Variants in ANXA4 observed in about 807,000 individuals in gnomAD.
The protein encoded by ANXA4 is annexin A4, also known as 35-beta calcimedin.
A neutral mutation model predicts 49.8 loss-of-function variants in ANXA4; 39 were observed. That is an observed-to-expected ratio of 0.78 (90% CI 0.61 to 1.02). The LOEUF (loss-of-function observed/expected upper bound fraction) is 1.02. Ranked by LOEUF, ANXA4 falls within the 50% of genes least tolerant of loss-of-function variation. ANXA4 has a pLI of 0.00. For synonymous variants in ANXA4, 134 were observed against 152.5 expected (o/e 0.88, Z 0.89); for missense variants, 360 against 410.1 (o/e 0.88, Z 1.05).
intron 2 of ANXA4, among the ~76,000 whole-genome samples, chr2:69,675,064 AGGTGCC>A (rs1175680189): frequency 6.6e-6 from 1 of 152,006 alleles, no homozygotes; most frequent in Non-Finnish European, 1.5e-5. Flanking sequence ...CTGAGACTAC[AGGTGCC>A]TGTCACCATG....
chr2:69,805,046 C>CAAA (rs60172949), intron 4 of ANXA4, among the ~76,000 whole-genome samples: 15,210 of 35,790 alleles, frequency 0.42, 4,883 homozygotes, highest in East Asian at 0.55. Flanking sequence ...GACTCCATCT[C>CAAA]AAAAAAAAAA....
intron 2 of ANXA4, among the ~76,000 whole-genome samples, chr2:69,657,639 C>T (rs891095875): frequency 3.3e-5 from 5 of 152,030 alleles, no homozygotes; most frequent in African/African-American, 1.2e-4. Context: ...TATTATAATT[C>T]TCTACAACAA....
chr2:69,731,950 G>C (rs1670109340), intron 3 of ANXA4, among the ~76,000 whole-genome samples: 1 of 149,944 alleles, frequency 6.7e-6, no homozygotes, highest in Non-Finnish European at 1.5e-5. Context: ...AAATGCTGAT[G>C]CTATTTCTTA....
chr2:69,693,120 G>A (rs1429435775), intron 2 of ANXA4, among the ~76,000 whole-genome samples: 1 of 152,144 alleles, frequency 6.6e-6, no homozygotes, highest in Admixed American at 6.5e-5. Flanking sequence ...TCTCCAAGAA[G>A]AGCATCTAAT....
At chr2:69,647,424 T>TTTATTTA (rs1559035043) in intron 1 of ANXA4, among the ~76,000 whole-genome samples, 1 of 104,168 alleles carries the variant, frequency 9.6e-6, no homozygotes, top group South Asian at 2.8e-4. Flanking sequence ...TTATTTATTT[T>TTTATTTA]TTGAGACAGA....
At chr2:69,645,910 A>C (rs1675993834) in intron 1 of ANXA4, among the ~76,000 whole-genome samples, 1 of 152,208 alleles carries the variant, frequency 6.6e-6, no homozygotes, top group Non-Finnish European at 1.5e-5. Flanking sequence ...AAGTAAAGCA[A>C]AGAGATTAGT....
intron 1 of ANXA4, among the ~76,000 whole-genome samples, chr2:69,756,180 G>A (rs1671031415): frequency 6.6e-6 from 1 of 152,204 alleles, no homozygotes; most frequent in Non-Finnish European, 1.5e-5. Context: ...TAGGGTTGGT[G>A]TAAGTTTGTA....
At chr2:69,670,784 G>T (rs903456012) in intron 2 of ANXA4, among the ~76,000 whole-genome samples, 3 of 152,060 alleles carry the variant, frequency 2.0e-5, no homozygotes, top group African/African-American at 7.2e-5. Context: ...AGCACTCTAG[G>T]AGGTTGAAAC....
intron 1 of ANXA4, among the ~76,000 whole-genome samples, chr2:69,650,133 A>G (rs540647316): frequency 2.6e-4 from 39 of 151,726 alleles, no homozygotes; most frequent in Non-Finnish European, 4.6e-4. Flanking sequence ...ACAGGGTTTC[A>G]CCATGTTGGC....
At position 69,825,608 on chromosome 2, in the gene ANXA4, C is replaced by T. The variant is rs1674440593; in HGVS notation, c.*93C>T. On this transcript the variant is annotated 3_prime_UTR_variant, in exon 13 of 13. Coordinates refer to ENST00000394295, the MANE Select transcript of ANXA4 (RefSeq NM_001153.5). The stretch of plus-strand genomic sequence containing the variant: ...CTGCTATTATCATTATCTCAGAATG[C>T]TTATTTCCAATTAAAACGCCTACAG... 1.0e-6 allele frequency: 1 copy of T among 964,686 alleles called. No homozygotes were observed. The highest frequency in any genetic ancestry group is 2.5e-5 in the Admixed American group (1 of 39,548). 59.8% of individuals were successfully genotyped at this position (964,686 alleles called of 1,614,324 possible). A position where few individuals can be genotyped will look rare whatever the true frequency, so the allele number is the denominator to read the frequency against.
chr2:69,756,912 T>C (rs1671057200), intron 1 of ANXA4, among the ~76,000 whole-genome samples: 1 of 146,076 alleles, frequency 6.8e-6, no homozygotes. Context: ...CTACTACTTA[T>C]TAAATTAATT....
intron 2 of ANXA4, among the ~76,000 whole-genome samples, chr2:69,678,011 T>C (rs1017170950): frequency 6.6e-6 from 1 of 152,094 alleles, no homozygotes; most frequent in Non-Finnish European, 1.5e-5. Context: ...ACACAACTTT[T>C]CCCCCTCCTC....
At chr2:69,807,012 A>T (rs775864095) in intron 5 of ANXA4, among the ~76,000 whole-genome samples, 2 of 152,222 alleles carry the variant, frequency 1.3e-5, no homozygotes, top group African/African-American at 2.4e-5. Flanking sequence ...AAATTTTTTT[A>T]AAAAAGAAAG....
chr2:69,810,708 T>G (rs528331090), intron 7 of ANXA4, 35 bp downstream of exon 7: 2 of 1,553,986 alleles, frequency 1.3e-6, no homozygotes, highest in Admixed American at 3.3e-5. Context: ...GCGGGTTTTA[T>G]CGAAATGTCC....
intron 2 of ANXA4, among the ~76,000 whole-genome samples, chr2:69,699,631 C>T (rs1678267106): frequency 6.6e-6 from 1 of 151,424 alleles, no homozygotes; most frequent in South Asian, 2.1e-4. Context: ...GACCCTGTCC[C>T]AAAAAACAAA....
chr2:69,701,896 C>T (rs1266933593), intron 2 of ANXA4, among the ~76,000 whole-genome samples: 1 of 151,988 alleles, frequency 6.6e-6, no homozygotes, highest in Non-Finnish European at 1.5e-5. Flanking sequence ...AATTTGTATG[C>T]GTTCTTAATA....
At chr2:69,645,768 T>G (rs949516323) in intron 1 of ANXA4, among the ~76,000 whole-genome samples, 8 of 152,188 alleles carry the variant, frequency 5.3e-5, no homozygotes, top group Non-Finnish European at 1.2e-4. Context: ...TTGCCCTCCA[T>G]TCCCTCACAG....
intron 2 of ANXA4, among the ~76,000 whole-genome samples, chr2:69,669,643 C>T (rs954359046): frequency 6.6e-6 from 1 of 151,834 alleles, no homozygotes; most frequent in African/African-American, 2.4e-5. Context: ...TTTTACCATA[C>T]AATAAATACC....
At chr2:69,767,709 T>A (rs887722492) in intron 1 of ANXA4, among the ~76,000 whole-genome samples, 2 of 152,220 alleles carry the variant, frequency 1.3e-5, no homozygotes, top group Non-Finnish European at 2.9e-5. Flanking sequence ...CCGTCAAAAG[T>A]GTGGTCCAGT....
Sources: allele counts gnomAD v4.1 joint callset (sites outside exome capture counted in the v4.1 genomes callset), GRCh38; gene constraint gnomAD v4.1.1; transcripts MANE v1.5; gene names NCBI Gene and HGNC (gene_info 2026-07-23, HGNC 2026-07-21).